Variants in AKAP10 observed in about 807,000 individuals in gnomAD.
AKAP10 encodes the protein A-kinase anchoring protein 10.
Under a neutral mutation model 80.8 loss-of-function variants are expected in AKAP10, and 24 were observed. The observed-to-expected ratio is 0.30, with a 90% CI of 0.22 to 0.42. The LOEUF (loss-of-function observed/expected upper bound fraction) is 0.42, where lower values mean the gene tolerates loss of function less well. Ranked by LOEUF, AKAP10 falls within the 10% of genes least tolerant of loss-of-function variation. AKAP10 has a pLI of 1.00. For synonymous variants in AKAP10, 291 were observed against 277.7 expected (o/e 1.05, Z -0.48); for missense variants, 661 against 794.9 (o/e 0.83, Z 2.03).
In AKAP10 at chr17:19,958,145, CGGAGAGAAT is replaced by C. The variant is rs777052178; in HGVS notation, c.737_745del (p.His246_Leu248del). On this transcript the variant is annotated inframe_deletion, in exon 4 of 15. Transcript: ENST00000225737. ...AGTTCCTGCTCTGGCCATTTCAAGA[CGGAGAGAAT>C]GGGCACTGTCACATTCCTGGGAAAG... 1.7e-5 allele frequency: 28 copies of C among 1,613,750 alleles called. No homozygotes were observed. The highest frequency in any genetic ancestry group is 2.4e-5 in the Non-Finnish European group (28 of 1,179,980).
In AKAP10 at chr17:19,907,332, T is replaced by A. The variant is rs187991246; in HGVS notation, c.1984-1100A>T. 7.4e-4 allele frequency among the ~76,000 whole-genome samples: 112 copies of A among 152,198 alleles called. 1 individual carries two copies. Among genetic ancestry groups the A allele is most frequent in the African/African-American group, 2.7e-3 (112 of 41,522 alleles). On this transcript the variant is annotated intron_variant, in intron 14 of 14. Coordinates refer to ENST00000225737, the MANE Select transcript of AKAP10 (RefSeq NM_007202.4). The stretch of plus-strand genomic sequence containing the variant: ...CCACGCCCGGCCCCCATTTCTGGTA[T>A]TTTTTATTTTAAGAAATTCCATTTG...
At chr17:19,966,239 C>A (rs1267260584) in intron 2 of AKAP10, among the ~76,000 whole-genome samples, 1 of 152,114 alleles carries the variant, frequency 6.6e-6, no homozygotes, top group Admixed American at 6.6e-5. Flanking sequence ...CTCTCTCACA[C>A]CTCATATTTA....
intron 7 of AKAP10, 30 bp downstream of exon 7, chr17:19,940,857 A>G: frequency 6.4e-7 from 1 of 1,574,064 alleles, no homozygotes; most frequent in Non-Finnish European, 8.6e-7. Flanking sequence ...GAATGCTCGA[A>G]TAGAGTGTGA....
At chr17:19,973,160 A>G (rs550824903) in intron 1 of AKAP10, among the ~76,000 whole-genome samples, 1 of 152,190 alleles carries the variant, frequency 6.6e-6, no homozygotes, top group Non-Finnish European at 1.5e-5. Context: ...TTGTATTTTT[A>G]GTAGAGACAG....
At chr17:19,925,645 CGACT>C (rs2042868287) in intron 10 of AKAP10, among the ~76,000 whole-genome samples, 2 of 151,048 alleles carry the variant, frequency 1.3e-5, no homozygotes, top group Non-Finnish European at 3.0e-5. Context: ...TTAATGTCCC[CGACT>C]AAGTAATAGG....
intron 4 of AKAP10, among the ~76,000 whole-genome samples, chr17:19,955,647 C>T (rs1057448267): frequency 2.6e-5 from 4 of 152,162 alleles, no homozygotes; most frequent in African/African-American, 7.2e-5. Context: ...CCAGCCTGGC[C>T]AACATGGCGA....
intron 3 of AKAP10, among the ~76,000 whole-genome samples, chr17:19,961,163 G>A (rs534272380): frequency 1.9e-4 from 26 of 134,268 alleles, no homozygotes; most frequent in African/African-American, 4.9e-4. Flanking sequence ...GAAACATGGC[G>A]AAACCCCGTC....
intron 4 of AKAP10, among the ~76,000 whole-genome samples, chr17:19,948,113 T>C (rs2043155515): frequency 6.6e-6 from 1 of 152,358 alleles, no homozygotes; most frequent in South Asian, 2.1e-4. Context: ...ATATCATCCG[T>C]TGATTTGATA....
chr17:19,931,637 C>G (rs2042934395), intron 10 of AKAP10, among the ~76,000 whole-genome samples, 168 bp downstream of exon 10: 1 of 152,006 alleles, frequency 6.6e-6, no homozygotes, highest in African/African-American at 2.4e-5. Flanking sequence ...GTGATCCGCC[C>G]ACCGCAGCCT....
At chr17:19,909,417 A>G (rs2042666668) in intron 13 of AKAP10, 141 bp from the exon 14 acceptor site, 3 of 697,518 alleles carry the variant, frequency 4.3e-6, no homozygotes, top group East Asian at 3.0e-5. Context: ...GTACGAAAAA[A>G]CCTGGGCCAC....
intron 5 of AKAP10, chr17:19,947,132 A>G (rs1475732234): frequency 4.9e-6 from 2 of 404,798 alleles, no homozygotes; most frequent in African/African-American, 4.1e-5. Flanking sequence ...CGGTTAGCGT[A>G]GCCGCCCGCC....
At chr17:19,954,411 T>G (rs2043248779) in intron 4 of AKAP10, among the ~76,000 whole-genome samples, 1 of 151,808 alleles carries the variant, frequency 6.6e-6, no homozygotes, top group Non-Finnish European at 1.5e-5. Flanking sequence ...ACAAAAAATC[T>G]GACGTAACCC....
chr17:19,938,890 G>A (rs796697736), intron 8 of AKAP10, among the ~76,000 whole-genome samples: 7 of 151,912 alleles, frequency 4.6e-5, no homozygotes, highest in African/African-American at 7.2e-5. Context: ...ACGCCATCAC[G>A]CTCAGCTAAT....
intron 12 of AKAP10, among the ~76,000 whole-genome samples, chr17:19,918,164 G>A (rs971771315): frequency 8.1e-5 from 12 of 148,898 alleles, no homozygotes; most frequent in African/African-American, 2.5e-4. Context: ...AGGTTGCAGT[G>A]AGCTGAGATC....
chr17:19,909,837 G>A (rs2042669865), intron 13 of AKAP10, 89 bp downstream of exon 13: 1 of 1,141,212 alleles, frequency 8.8e-7, no homozygotes, highest in African/African-American at 1.5e-5. Context: ...TTAAACATGG[G>A]ACCTAAAGAA....
intron 4 of AKAP10, among the ~76,000 whole-genome samples, chr17:19,949,344 G>A (rs1044295031): frequency 4.6e-5 from 7 of 151,798 alleles, no homozygotes; most frequent in African/African-American, 7.3e-5. Flanking sequence ...AGAAATTTTC[G>A]AAGCTGAACA....
chr17:19,920,223 CACAA>C, intron 11 of AKAP10, 105 bp from the exon 12 acceptor site: 1 of 794,538 alleles, frequency 1.3e-6, no homozygotes, highest in Non-Finnish European at 2.1e-6. Context: ...AAGCCAGAAA[CACAA>C]TTTATAGCTA....
intron 6 of AKAP10, among the ~76,000 whole-genome samples, 183 bp downstream of exon 6, chr17:19,941,643 G>T (rs1172762368): frequency 6.6e-6 from 1 of 152,120 alleles, no homozygotes; most frequent in Non-Finnish European, 1.5e-5. Context: ...AATTTTAAGA[G>T]TTCACATAAT....
rs781337595 is a variant in AKAP10 at position 19,958,558 on chromosome 17, C to T, written c.333G>A (p.Leu111=). The change falls in exon 4 of 15, where the codon CTG becomes CTA. Residue 111 remains leucine, a synonymous_variant. Coordinates refer to ENST00000225737, the MANE Select transcript of AKAP10 (RefSeq NM_007202.4). Reference sequence around the variant, plus strand: ...ATTTGGTCTCTTGAGTCTGGTAGTCCAGACAAGATCTGCCTAAAAGATAGA... The same window carrying T: ...ATTTGGTCTCTTGAGTCTGGTAGTCTAGACAAGATCTGCCTAAAAGATAGA... ...AHFGDLGRSC[L]DYQTQETKSS... is the part of the protein sequence containing the mutation. 31 of 1,596,756 alleles carry T rather than the reference C, an allele frequency of 1.9e-5. No individual in the cohort carries two copies. The highest frequency in any genetic ancestry group is 2.6e-5 in the Non-Finnish European group (30 of 1,176,160).
Sources: gnomAD v4.1 joint callset for allele counts (sites outside exome capture counted in the v4.1 genomes callset) on GRCh38, gnomAD v4.1.1 for gene constraint, MANE v1.5 for transcripts, NCBI Gene and HGNC (gene_info 2026-07-23, HGNC 2026-07-21) for gene names.